Variants in PTPRE observed in about 807,000 individuals in gnomAD.
The protein encoded by PTPRE is protein tyrosine phosphatase receptor type E.
In PTPRE, 51 loss-of-function variants were observed where a neutral mutation model predicts 102.0. That is an observed-to-expected ratio of 0.50 (90% CI 0.40 to 0.63). The LOEUF is 0.63. Ranked by LOEUF, PTPRE falls within the 30% of genes least tolerant of loss-of-function variation. The pLI, the probability that PTPRE is intolerant of heterozygous loss-of-function variation, is 0.00. For synonymous variants in PTPRE, 345 were observed against 348.2 expected, an observed-to-expected ratio of 0.99 and a Z score of 0.10; for missense variants, 752 against 915.1, an observed-to-expected ratio of 0.82 and a Z score of 2.30.
chr10:127,962,764 T>C (rs1849927627), intron 1 of PTPRE, among the ~76,000 whole-genome samples: 2 of 152,154 alleles, frequency 1.3e-5, no homozygotes, highest in South Asian at 4.1e-4. Flanking sequence ...CATTGGCAGT[T>C]AGTGGGCAGA....
intron 2 of PTPRE, among the ~76,000 whole-genome samples, chr10:127,987,082 C>G (rs1168067320): frequency 6.6e-6 from 1 of 152,116 alleles, no homozygotes; most frequent in East Asian, 1.9e-4. Context: ...ACAGATTAAT[C>G]CTTCATTTAT....
At chr10:128,018,071 T>C (rs1003178258) in intron 2 of PTPRE, among the ~76,000 whole-genome samples, 3 of 151,942 alleles carry the variant, frequency 2.0e-5, no homozygotes, top group African/African-American at 7.3e-5. Flanking sequence ...GTGCCTGCCC[T>C]GCAGAGCCCA....
intron 1 of PTPRE, among the ~76,000 whole-genome samples, chr10:127,972,655 G>A (rs1793254966): frequency 6.6e-6 from 1 of 152,204 alleles, no homozygotes; most frequent in Non-Finnish European, 1.5e-5. Context: ...GCAAGTATCG[G>A]TGACCTCATG....
At chr10:127,977,355 A>G (rs1851257130) in intron 1 of PTPRE, among the ~76,000 whole-genome samples, 1 of 152,226 alleles carries the variant, frequency 6.6e-6, no homozygotes, top group Non-Finnish European at 1.5e-5. Flanking sequence ...CACATTTTAG[A>G]TATACTCATA....
At chr10:128,041,529 TCCCAG>T (rs556705192) in intron 3 of PTPRE, among the ~76,000 whole-genome samples, 171 of 150,874 alleles carry the variant, frequency 1.1e-3, no homozygotes, top group African/African-American at 4.0e-3. Context: ...GCGCCTGTAG[TCCCAG>T]CCACTCGGGA....
intron 1 of PTPRE, among the ~76,000 whole-genome samples, chr10:127,973,402 C>G (rs1850910268): frequency 6.6e-6 from 1 of 152,122 alleles, no homozygotes; most frequent in Non-Finnish European, 1.5e-5. Flanking sequence ...TCTCTGTTAT[C>G]TCTCATTTGT....
At chr10:128,047,542 G>A in intron 4 of PTPRE, 53 bp downstream of exon 4, 2 of 1,610,828 alleles carry the variant, frequency 1.2e-6, no homozygotes, top group Non-Finnish European at 1.7e-6. Flanking sequence ...AGGAGGAAAT[G>A]AGCCTTCTGA....
chr10:128,032,253 T>C (rs543939927), intron 2 of PTPRE, among the ~76,000 whole-genome samples: 55 of 152,274 alleles, frequency 3.6e-4, no homozygotes, highest in African/African-American at 1.3e-3. Flanking sequence ...TGACCTCAGG[T>C]GATCCACCTG....
intron 20 of PTPRE, among the ~76,000 whole-genome samples, chr10:128,082,399 G>C (rs993940782): frequency 6.6e-6 from 1 of 151,440 alleles, no homozygotes; most frequent in African/African-American, 2.4e-5. Context: ...TTTTTTGATA[G>C]AGATGGGGTT....
At chr10:127,982,010 C>A (rs1851667509) in intron 1 of PTPRE, among the ~76,000 whole-genome samples, 1 of 152,150 alleles carries the variant, frequency 6.6e-6, no homozygotes, top group African/African-American at 2.4e-5. Context: ...ACTGATGGAG[C>A]ATCTTGGGGG....
intron 1 of PTPRE, among the ~76,000 whole-genome samples, chr10:127,973,846 G>T (rs1850945415): frequency 6.6e-6 from 1 of 152,164 alleles, no homozygotes; most frequent in Non-Finnish European, 1.5e-5. Context: ...GTCACGCTTA[G>T]CTTCCTTCCC....
rs907010081 is a variant in PTPRE, at chr10:127,944,632, T to C, written c.-31+37323T>C. 1.3e-5 allele frequency among the ~76,000 whole-genome samples: 2 copies of C among 152,050 alleles called. No homozygotes were observed. Among genetic ancestry groups the C allele is most frequent in the Non-Finnish European group, 2.9e-5 (2 of 68,016 alleles). On this transcript the variant is annotated intron_variant, in intron 1 of 20. Coordinates refer to ENST00000254667, the MANE Select transcript of PTPRE (RefSeq NM_006504.6). The surrounding 1 kb of genome is among the most constrained non-coding windows in gnomAD (Gnocchi z 4.2). Reference sequence around the variant, plus strand: ...CAGAAACTGGATCATGAAGGCCCTATAAGGATTTTGCACATAATAGAAGGT... The same window carrying C: ...CAGAAACTGGATCATGAAGGCCCTACAAGGATTTTGCACATAATAGAAGGT...
intron 2 of PTPRE, among the ~76,000 whole-genome samples, chr10:128,027,170 C>T (rs553573574): frequency 6.6e-6 from 1 of 152,208 alleles, no homozygotes; most frequent in African/African-American, 2.4e-5. Context: ...GCGCTTAGCA[C>T]AGGGCCTGGT....
At chr10:128,047,301 G>A (rs1564923478) in intron 3 of PTPRE, 89 bp from the exon 4 acceptor site, 14 of 1,493,796 alleles carry the variant, frequency 9.4e-6, no homozygotes, top group South Asian at 1.3e-5. Context: ...TGGGGTTCTG[G>A]TGTCCAGGAA....
chr10:128,066,668 G>A (rs960334714), intron 11 of PTPRE, among the ~76,000 whole-genome samples: 12 of 152,196 alleles, frequency 7.9e-5, no homozygotes, highest in Non-Finnish European at 1.8e-4. Flanking sequence ...CAAAGCAGAT[G>A]AAATCAAGAT....
intron 1 of PTPRE, among the ~76,000 whole-genome samples, chr10:127,954,496 G>A (rs939165460): frequency 1.3e-5 from 2 of 152,174 alleles, no homozygotes; most frequent in Non-Finnish European, 2.9e-5. Context: ...ACGGCATTCT[G>A]CACAGCATTG....
chr10:128,024,580 A>G (rs1393109679), intron 2 of PTPRE, among the ~76,000 whole-genome samples: 1 of 152,190 alleles, frequency 6.6e-6, no homozygotes, highest in Non-Finnish European at 1.5e-5. Context: ...GCACACAGGA[A>G]ATTGAAATTA....
chr10:128,026,262 C>T (rs770923343), intron 2 of PTPRE, among the ~76,000 whole-genome samples: 1 of 152,258 alleles, frequency 6.6e-6, no homozygotes, highest in Non-Finnish European at 1.5e-5. Context: ...CCTCATCCAT[C>T]TGTGTTCCAA....
chr10:128,016,888 C>T (rs1244054259), intron 2 of PTPRE, among the ~76,000 whole-genome samples: 4 of 152,234 alleles, frequency 2.6e-5, no homozygotes, highest in Admixed American at 6.5e-5. Context: ...GAGCCGGTGC[C>T]GCCCTGGCCT....
Sources: gnomAD v4.1 joint callset for allele counts (sites outside exome capture counted in the v4.1 genomes callset) on GRCh38, gnomAD v4.1.1 for gene constraint, Gnocchi (gnomAD v3.1) non-coding constraint, MANE v1.5 for transcripts, NCBI Gene and HGNC (gene_info 2026-07-23, HGNC 2026-07-21) for gene names.